SUGCT: variants seen among roughly 807,000 people sequenced by gnomAD.
SUGCT encodes succinyl-CoA:glutarate CoA-transferase.
Under a neutral mutation model 55.0 loss-of-function variants are expected in SUGCT, and 41 were observed. The observed-to-expected ratio is 0.74, with a 90% CI of 0.58 to 0.97. The LOEUF (loss-of-function observed/expected upper bound fraction) is 0.97, where lower values mean the gene tolerates loss of function less well. SUGCT is among the 50% of genes least tolerant of loss of function. SUGCT has a pLI of 0.00. For synonymous variants in SUGCT, 187 were observed against 200.4 expected (o/e 0.93, Z 0.56); for missense variants, 568 against 547.8 (o/e 1.04, Z -0.37).
At chr7:40,332,351 T>C (rs1465502820) in intron 9 of SUGCT, among the ~76,000 whole-genome samples, 1 of 152,012 alleles carries the variant, frequency 6.6e-6, no homozygotes, top group East Asian at 1.9e-4. Flanking sequence ...CTGTCTCAAA[T>C]AGAAGAAGAA....
chr7:40,716,689 C>G (rs189293042), intron 12 of SUGCT, among the ~76,000 whole-genome samples: 68 of 152,064 alleles, frequency 4.5e-4, no homozygotes, highest in Middle Eastern at 3.4e-3. Context: ...AAGCGTTTAT[C>G]ACAGAAAATC....
chr7:40,710,858 A>T (rs546947421), intron 12 of SUGCT, among the ~76,000 whole-genome samples: 162 of 152,298 alleles, frequency 1.1e-3, no homozygotes, highest in African/African-American at 3.8e-3. Flanking sequence ...AAAAGATGCC[A>T]TCTAAAATAA....
In SUGCT at chr7:40,672,859, G is replaced by A. The variant is rs74583809; in HGVS notation, c.1090-76575G>A. 4.8e-3 allele frequency among the ~76,000 whole-genome samples: 728 copies of A among 152,096 alleles called. 6 individuals are homozygous for A. Among genetic ancestry groups the A allele is most frequent in the African/African-American group, 0.016 (661 of 41,488 alleles). Reference sequence around the variant, plus strand: ...ACATACAATAAAATGCCTCCTTTTCGTGTGTACAATTTGATGAGTTTTGAT... The same window carrying A: ...ACATACAATAAAATGCCTCCTTTTCATGTGTACAATTTGATGAGTTTTGAT... On this transcript the variant is annotated intron_variant, in intron 12 of 13. Coordinates refer to ENST00000335693, the MANE Select transcript of SUGCT (RefSeq NM_001193313.2).
chr7:40,992,848 A>G, the SUGCT span, among the ~76,000 whole-genome samples: 1 of 152,126 alleles, frequency 6.6e-6, no homozygotes, highest in African/African-American at 2.4e-5. Context: ...TGTTGTGAGA[A>G]TTTAAGGCAT....
chr7:40,454,025 C>T (rs1789333945), intron 10 of SUGCT, among the ~76,000 whole-genome samples: 1 of 152,004 alleles, frequency 6.6e-6, no homozygotes, highest in African/African-American at 2.4e-5. Flanking sequence ...AAAAAAATTA[C>T]ACCTCACTCG....
intron 9 of SUGCT, among the ~76,000 whole-genome samples, chr7:40,362,274 C>T (rs1798193343): frequency 6.6e-6 from 1 of 152,038 alleles, no homozygotes; most frequent in African/African-American, 2.4e-5. Context: ...CAAAAATTAG[C>T]TGGGTGTGGT....
chr7:40,945,379 G>T, the SUGCT span, among the ~76,000 whole-genome samples: 1 of 152,138 alleles, frequency 6.6e-6, no homozygotes, highest in Non-Finnish European at 1.5e-5. Context: ...TGTACAGAGG[G>T]ATTGTAACTC....
At chr7:40,797,116 C>A (rs1790588350) in intron 13 of SUGCT, among the ~76,000 whole-genome samples, 1 of 152,122 alleles carries the variant, frequency 6.6e-6, no homozygotes, top group Non-Finnish European at 1.5e-5. Flanking sequence ...CTCAGTAAGT[C>A]TTGGGATAAA....
chr7:40,673,634 T>C (rs1317193879), intron 12 of SUGCT, among the ~76,000 whole-genome samples: 1 of 152,224 alleles, frequency 6.6e-6, no homozygotes, highest in African/African-American at 2.4e-5. Flanking sequence ...TAACCATCCA[T>C]AAAATGTCTC....
chr7:40,968,782 T>G, the SUGCT span, among the ~76,000 whole-genome samples: 2 of 152,026 alleles, frequency 1.3e-5, no homozygotes, highest in African/African-American at 4.8e-5. Context: ...CTCCAGTAAG[T>G]AACAAGGCCC....
At chr7:40,971,338 A>G in the SUGCT span, among the ~76,000 whole-genome samples, 1 of 152,106 alleles carries the variant, frequency 6.6e-6, no homozygotes, top group African/African-American at 2.4e-5. Context: ...CACCTCCAAC[A>G]ATGGGGATTA....
At chr7:40,162,861 G>C (rs1000864255) in intron 1 of SUGCT, among the ~76,000 whole-genome samples, 5 of 152,176 alleles carry the variant, frequency 3.3e-5, no homozygotes, top group Non-Finnish European at 7.3e-5. Flanking sequence ...CCCTGAAATA[G>C]ACATCCTAGT....
chr7:40,694,926 C>G (rs1253247055), intron 12 of SUGCT, among the ~76,000 whole-genome samples: 1 of 152,164 alleles, frequency 6.6e-6, no homozygotes. Context: ...ACCAGTATCA[C>G]TTGGTGACCT....
At chr7:40,200,175 C>T (rs554164111) in intron 6 of SUGCT, among the ~76,000 whole-genome samples, 1 of 152,110 alleles carries the variant, frequency 6.6e-6, no homozygotes, top group Admixed American at 6.6e-5. Context: ...CCCTTTCCTA[C>T]CCCCAAACAA....
intron 13 of SUGCT, among the ~76,000 whole-genome samples, chr7:40,811,809 G>A (rs1791433871): frequency 6.6e-6 from 1 of 152,140 alleles, no homozygotes; most frequent in South Asian, 2.1e-4. Flanking sequence ...GTATTGAATA[G>A]GAGTGGTGAG....
chr7:40,523,502 G>A (rs1793658883), intron 12 of SUGCT, among the ~76,000 whole-genome samples: 1 of 152,008 alleles, frequency 6.6e-6, no homozygotes, highest in African/African-American at 2.4e-5. Context: ...ATGATTGCTA[G>A]AAAAAACTTC....
intron 6 of SUGCT, among the ~76,000 whole-genome samples, chr7:40,214,327 A>C (rs1272040705): frequency 1.3e-5 from 2 of 152,232 alleles, no homozygotes; most frequent in African/African-American, 2.4e-5. Context: ...CTGAATATTT[A>C]TTAAATGTTA....
chr7:40,526,850 G>T (rs543659534), intron 12 of SUGCT, among the ~76,000 whole-genome samples: 1 of 152,214 alleles, frequency 6.6e-6, no homozygotes, highest in South Asian at 2.1e-4. Flanking sequence ...TTATTTTAAG[G>T]ATTTGTTGGT....
At chr7:40,641,741 C>T (rs1384636938) in intron 12 of SUGCT, among the ~76,000 whole-genome samples, 2 of 152,182 alleles carry the variant, frequency 1.3e-5, no homozygotes. Context: ...ATCTTACCTT[C>T]TCTGTCCTTC....
Sources: gnomAD v4.1 joint callset for allele counts (sites outside exome capture counted in the v4.1 genomes callset) on GRCh38, gnomAD v4.1.1 for gene constraint, MANE v1.5 for transcripts, NCBI Gene and HGNC (gene_info 2026-07-23, HGNC 2026-07-21) for gene names.